The following ELMO1 variants were observed in gnomAD, a reference collection of about 807,000 sequenced individuals.
ELMO1 encodes engulfment and cell motility 1, also known as engulfment and cell motility protein 1.
ELMO1 carries 26 observed loss-of-function variants against 98.9 expected under a neutral mutation model. The observed-to-expected ratio is 0.26, with a 90% CI of 0.19 to 0.36. The LOEUF is 0.36. Among genes scored for constraint, ELMO1 ranks in the 10% least tolerant of loss-of-function variants. The pLI is 1.00. For missense variants in ELMO1, 627 were observed against 935.2 expected (o/e 0.67, Z 4.30); for synonymous variants, 346 against 346.0 (o/e 1.00, Z 0.00).
intron 1 of ELMO1, among the ~76,000 whole-genome samples, chr7:37,343,968 A>C (rs951855292): frequency 6.6e-6 from 1 of 151,972 alleles, no homozygotes; most frequent in African/African-American, 2.4e-5. Context: ...AACTTTCTTC[A>C]AGTATAGAAG....
chr7:37,239,958 T>C (rs949681282), intron 7 of ELMO1, among the ~76,000 whole-genome samples: 5 of 152,202 alleles, frequency 3.3e-5, no homozygotes, highest in African/African-American at 1.2e-4. Context: ...ATCAAAGCCA[T>C]GCATTTCCAT....
At chr7:37,032,004 C>T (rs1794909992) in intron 15 of ELMO1, among the ~76,000 whole-genome samples, 1 of 152,130 alleles carries the variant, frequency 6.6e-6, no homozygotes, top group South Asian at 2.1e-4. Flanking sequence ...CATCATATTG[C>T]ACCAGGAAGC....
chr7:37,243,632 A>G (rs1794860714), intron 7 of ELMO1, among the ~76,000 whole-genome samples: 1 of 152,212 alleles, frequency 6.6e-6, no homozygotes, highest in Non-Finnish European at 1.5e-5. Context: ...GAAGGTGATG[A>G]GGATTTTCTC....
intron 1 of ELMO1, among the ~76,000 whole-genome samples, chr7:37,444,788 A>G (rs1304204996): frequency 6.6e-6 from 1 of 152,256 alleles, no homozygotes; most frequent in African/African-American, 2.4e-5. Context: ...TGCTGGGATT[A>G]GAGGCGTGAG....
rs117085022 is a variant in ELMO1 at position 36,995,908 on chromosome 7, G to A, written c.1437+17391C>T. 6.2e-4 allele frequency among the ~76,000 whole-genome samples: 94 copies of A among 152,236 alleles called. 2 individuals carry two copies. The highest frequency in any genetic ancestry group is 5.8e-3 in the East Asian group (30 of 5,172). On this transcript the variant is annotated intron_variant, in intron 16 of 21. Coordinates refer to ENST00000310758, the MANE Select transcript of ELMO1 (RefSeq NM_014800.11). ...TTGAGCCAAAGGATGATGAGCCAAA[G>A]GAACCTTGTCTCCTCCCCATGCAGA...
At chr7:37,320,715 T>C (rs1799440928) in intron 2 of ELMO1, among the ~76,000 whole-genome samples, 1 of 152,208 alleles carries the variant, frequency 6.6e-6, no homozygotes, top group South Asian at 2.1e-4. Flanking sequence ...CACCCCTCAG[T>C]ACTAGTTACC....
intron 16 of ELMO1, among the ~76,000 whole-genome samples, chr7:36,962,095 A>T (rs1788998216): frequency 6.6e-6 from 1 of 152,186 alleles, no homozygotes; most frequent in Admixed American, 6.5e-5. Context: ...GTACTAGAAA[A>T]TTTTTGGCTG....
At chr7:37,209,758 G>T (rs564693819) in intron 13 of ELMO1, among the ~76,000 whole-genome samples, 1 of 152,266 alleles carries the variant, frequency 6.6e-6, no homozygotes, top group African/African-American at 2.4e-5. Flanking sequence ...GGCTCTGCCA[G>T]CAAGGTCACT....
chr7:37,325,307 G>GT (rs1335482215), intron 2 of ELMO1, among the ~76,000 whole-genome samples: 2 of 152,226 alleles, frequency 1.3e-5, no homozygotes, highest in Non-Finnish European at 2.9e-5. Context: ...GTGGGACACT[G>GT]TCCCCTCCCA....
chr7:37,127,934 T>C (rs993126580), intron 14 of ELMO1, among the ~76,000 whole-genome samples: 5 of 152,210 alleles, frequency 3.3e-5, no homozygotes, highest in Non-Finnish European at 7.3e-5. Context: ...GACTCACACC[T>C]GTAATCCCAA....
intron 13 of ELMO1, among the ~76,000 whole-genome samples, chr7:37,198,700 C>A (rs1171519230): frequency 6.6e-6 from 1 of 152,250 alleles, no homozygotes; most frequent in Non-Finnish European, 1.5e-5. Flanking sequence ...ATGTGTCACC[C>A]TTGCACCTGC....
chr7:37,419,874 A>G (rs1369234596), intron 1 of ELMO1: 3 of 152,218 alleles, frequency 2.0e-5, no homozygotes, highest in Non-Finnish European at 4.4e-5. Flanking sequence ...AGTAATTTTT[A>G]GTTTACTTAT....
chr7:37,293,795 A>C (rs1458275247), intron 4 of ELMO1, among the ~76,000 whole-genome samples: 1 of 147,848 alleles, frequency 6.8e-6, no homozygotes, highest in African/African-American at 2.5e-5. Flanking sequence ...GGAACTGTTA[A>C]ATTTAAAAAC....
chr7:37,099,937 G>A (rs185148465), intron 14 of ELMO1, among the ~76,000 whole-genome samples: 39 of 151,830 alleles, frequency 2.6e-4, no homozygotes, highest in Admixed American at 1.2e-3. Context: ...AAGCTCAAGC[G>A]ATTCTCCTGC....
chr7:36,883,075 C>T (rs1804617402), intron 18 of ELMO1, among the ~76,000 whole-genome samples: 1 of 152,220 alleles, frequency 6.6e-6, no homozygotes, highest in Admixed American at 6.5e-5. Context: ...CACCACTTGG[C>T]TCTAGGTCTT....
chr7:36,885,319 AAAC>A (rs143571798), intron 18 of ELMO1, among the ~76,000 whole-genome samples: 10,712 of 150,284 alleles, frequency 0.071, 789 homozygotes, highest in African/African-American at 0.19. Context: ...AACATTTTTT[AAAC>A]AACAACAACA....
chr7:37,393,033 C>T (rs1803148979), intron 1 of ELMO1, among the ~76,000 whole-genome samples: 1 of 152,162 alleles, frequency 6.6e-6, no homozygotes, highest in African/African-American at 2.4e-5. Context: ...CAAGGTCTAC[C>T]AAGACCACTT....
intron 14 of ELMO1, among the ~76,000 whole-genome samples, chr7:37,115,839 T>A (rs1785553231): frequency 6.6e-6 from 1 of 151,322 alleles, no homozygotes; most frequent in Non-Finnish European, 1.5e-5. Flanking sequence ...ATGTAGAAAA[T>A]TCCAAGGAAT....
chr7:37,198,364 G>C (rs1003653877), intron 13 of ELMO1, among the ~76,000 whole-genome samples: 5 of 152,214 alleles, frequency 3.3e-5, no homozygotes, highest in Admixed American at 6.5e-5. Context: ...TCCACCATCA[G>C]ATCCAAATGA....
Sources: allele counts gnomAD v4.1 joint callset (sites outside exome capture counted in the v4.1 genomes callset), GRCh38; gene constraint gnomAD v4.1.1; transcripts MANE v1.5; gene names NCBI Gene and HGNC (gene_info 2026-07-23, HGNC 2026-07-21).